Variants in UBE2L3 observed in about 807,000 individuals in gnomAD.
UBE2L3 encodes ubiquitin conjugating enzyme E2 L3.
In UBE2L3, 1 loss-of-function variant was observed where a neutral mutation model predicts 17.8. The ratio of observed to expected loss-of-function variants is 0.06; its 90% confidence interval spans 0.02 to 0.27. The LOEUF is 0.27. Ranked by LOEUF, UBE2L3 falls within the 10% of genes least tolerant of loss-of-function variation. The probability of loss-of-function intolerance (pLI) is 1.00; values close to 1 mark genes in which losing one functional copy is unlikely to be tolerated. For missense variants in UBE2L3, 40 were observed against 192.6 expected, an observed-to-expected ratio of 0.21 and a Z score of 4.69; for synonymous variants, 44 against 68.5, an observed-to-expected ratio of 0.64 and a Z score of 1.76.
intron 1 of UBE2L3, among the ~76,000 whole-genome samples, chr22:21,592,378 C>T (rs945004129): frequency 3.9e-5 from 6 of 151,904 alleles, no homozygotes; most frequent in African/African-American, 9.7e-5. Context: ...ACTGGATATG[C>T]GTTTGTGTCT....
At chr22:21,566,469 C>A (rs890278175), upstream of UBE2L3, among the ~76,000 whole-genome samples, 4 of 151,888 alleles carry the variant, frequency 2.6e-5, no homozygotes. Flanking sequence ...TGCCTGTAGT[C>A]CCAGTTAATT....
chr22:21,569,073 A>G (rs943565110), intron 1 of UBE2L3, among the ~76,000 whole-genome samples: 4 of 151,674 alleles, frequency 2.6e-5, no homozygotes, highest in Admixed American at 2.6e-4. Context: ...TCGTCCATTA[A>G]CCCTTGTGGA....
chr22:21,600,413 C>T (rs935063307), intron 2 of UBE2L3, among the ~76,000 whole-genome samples: 10 of 149,288 alleles, frequency 6.7e-5, no homozygotes, highest in East Asian at 4.0e-4. Context: ...TATTTGTTGC[C>T]GGCCGGGTGC....
intron 1 of UBE2L3, among the ~76,000 whole-genome samples, chr22:21,552,114 C>G (rs1257239946): frequency 5.3e-5 from 8 of 151,426 alleles, no homozygotes; most frequent in African/African-American, 1.5e-4. Flanking sequence ...TCCTCTTTGC[C>G]CTTCCTGTCT....
upstream of UBE2L3, chr22:21,567,473 T>G: frequency 1.7e-6 from 1 of 579,564 alleles, no homozygotes; most frequent in Non-Finnish European, 2.8e-6. Context: ...AACTATTTTA[T>G]GCAATCAGTA....
chr22:21,596,882 C>T (rs962501324), intron 2 of UBE2L3, among the ~76,000 whole-genome samples: 1 of 152,124 alleles, frequency 6.6e-6, no homozygotes, highest in Admixed American at 6.5e-5. Flanking sequence ...ACGTTACAGC[C>T]ATTCTAGTTG....
intron 3 of UBE2L3, among the ~76,000 whole-genome samples, chr22:21,611,733 G>GT (rs1193500994): frequency 3.3e-5 from 5 of 152,194 alleles, no homozygotes; most frequent in Non-Finnish European, 7.3e-5. Context: ...GAAGTGACTA[G>GT]TTTGTTATGG....
intron 3 of UBE2L3, among the ~76,000 whole-genome samples, chr22:21,612,973 C>T (rs1305959062): frequency 1.3e-5 from 2 of 152,164 alleles, no homozygotes; most frequent in African/African-American, 4.8e-5. Flanking sequence ...CTAGCACTGT[C>T]GAAAACCTAT....
At chr22:21,557,393 A>C (rs1926271034) in intron 1 of UBE2L3, among the ~76,000 whole-genome samples, 1 of 152,180 alleles carries the variant, frequency 6.6e-6, no homozygotes, top group Non-Finnish European at 1.5e-5. Flanking sequence ...GAAAAACCCA[A>C]CCCCCCAAAA....
At chr22:21,571,496 C>T (rs879667797) in intron 1 of UBE2L3, among the ~76,000 whole-genome samples, 3 of 152,164 alleles carry the variant, frequency 2.0e-5, no homozygotes, top group Non-Finnish European at 4.4e-5. Flanking sequence ...ACAACCTCTG[C>T]CTCCCAGGTT....
chr22:21,555,788 C>T (rs2148387936), intron 1 of UBE2L3, among the ~76,000 whole-genome samples: 1 of 149,892 alleles, frequency 6.7e-6, no homozygotes, highest in Admixed American at 6.7e-5. Context: ...AAAAATTAGC[C>T]AGGCATGGTG....
intron 1 of UBE2L3, among the ~76,000 whole-genome samples, chr22:21,589,953 T>C (rs780646975): frequency 5.9e-5 from 9 of 152,152 alleles, no homozygotes; most frequent in Non-Finnish European, 7.4e-5. Context: ...GGTGTGTGGC[T>C]CACTCCCATG....
chr22:21,615,081 G>A (rs1929694364), intron 3 of UBE2L3, among the ~76,000 whole-genome samples: 1 of 152,088 alleles, frequency 6.6e-6, no homozygotes, highest in Admixed American at 6.6e-5. Context: ...CTTGAACCTG[G>A]GAGGCAGAGG....
At chr22:21,569,703 G>A (rs1926852596) in intron 1 of UBE2L3, among the ~76,000 whole-genome samples, 1 of 152,188 alleles carries the variant, frequency 6.6e-6, no homozygotes, top group South Asian at 2.1e-4. Context: ...GTTTCCCACA[G>A]TTCTTGCACC....
Position 21,576,765 on chromosome 22 carries a change from T to C in UBE2L3, c.27+8994T>C, listed in dbSNP as rs1927322353. On this transcript the variant is annotated intron_variant, in intron 1 of 3. Coordinates refer to ENST00000342192, the MANE Select transcript of UBE2L3 (RefSeq NM_003347.4). ...AACTCTTGATTGAGAAGTTGAGGTC[T>C]CAGATGTAATATTCTTGCTTCTTGT... Among the ~76,000 whole-genome samples, 5 of 151,242 alleles carry C rather than the reference T, an allele frequency of 3.3e-5. No homozygotes were observed. In the South Asian group the frequency reaches 1.0e-3, roughly 32 times the overall value.
At chr22:21,557,104 C>A (rs1601380659) in intron 1 of UBE2L3, among the ~76,000 whole-genome samples, 2 of 152,214 alleles carry the variant, frequency 1.3e-5, no homozygotes, top group Admixed American at 6.5e-5. Context: ...ACGGCTCATG[C>A]CTGTAATTCC....
chr22:21,573,266 C>T (rs1927084492), intron 1 of UBE2L3, among the ~76,000 whole-genome samples: 1 of 152,040 alleles, frequency 6.6e-6, no homozygotes. Context: ...AGTGCACATT[C>T]CTTAGCTTTT....
At chr22:21,562,784 C>T (rs1215301873), upstream of UBE2L3, among the ~76,000 whole-genome samples, 8 of 148,696 alleles carry the variant, frequency 5.4e-5, no homozygotes, top group Non-Finnish European at 1.0e-4. Context: ...GGATTACAGG[C>T]GTGAGCCACC....
upstream of UBE2L3, among the ~76,000 whole-genome samples, chr22:21,563,859 G>A (rs558356367): frequency 4.6e-5 from 7 of 151,958 alleles, no homozygotes; most frequent in South Asian, 1.5e-3. Flanking sequence ...ACAGGTGTGA[G>A]CCACTGCACC....
Sources: allele counts gnomAD v4.1 joint callset (sites outside exome capture counted in the v4.1 genomes callset), GRCh38; gene constraint gnomAD v4.1.1; transcripts MANE v1.5; gene names NCBI Gene and HGNC (gene_info 2026-07-23, HGNC 2026-07-21).